The following HYDIN variants were observed in gnomAD, a reference collection of about 807,000 sequenced individuals.
HYDIN encodes the protein axonemal central pair apparatus protein HYDIN.
HYDIN carries 132 observed loss-of-function variants against 403.9 expected under a neutral mutation model. The ratio of observed to expected loss-of-function variants is 0.33; its 90% CI spans 0.28 to 0.38. HYDIN has a LOEUF of 0.38. Ranked by LOEUF, HYDIN falls within the 10% of genes least tolerant of loss-of-function variation. The pLI is 1.00. For synonymous variants in HYDIN, 1,202 were observed against 1,891.7 expected, an observed-to-expected ratio of 0.64 and a Z score of 9.46; for missense variants, 2,827 against 5,009.5, an observed-to-expected ratio of 0.56 and a Z score of 13.15.
At chr16:71,178,281 T>C (rs1313857998) in intron 4 of HYDIN, among the ~76,000 whole-genome samples, 1 of 151,698 alleles carries the variant, frequency 6.6e-6, no homozygotes, top group Non-Finnish European at 1.5e-5. Flanking sequence ...TAGTTGCGTG[T>C]GGTGGCGCAT....
intron 41 of HYDIN, among the ~76,000 whole-genome samples, chr16:70,945,305 T>C (rs927897873): frequency 1.3e-5 from 2 of 152,162 alleles, no homozygotes; most frequent in African/African-American, 4.8e-5. Flanking sequence ...CTTAGCAACC[T>C]GGAAAATGGT....
Position 70,862,151 on chromosome 16 carries a change from C to T in HYDIN, c.11674G>A (p.Val3892Met). Reference protein sequence around the residue: ...WAEGSPQPFSVEPSSGIVPVG... With the variant: ...WAEGSPQPFSMEPSSGIVPVG... ...GGCACGATTCCCGAAGAGGGCTCCA[C>T]AGAGAAGGGCTGTGGGGAACCCTCG... The change falls in exon 69 of 86, where the codon GTG becomes ATG. Residue 3892 changes from valine (V) to methionine (M), a missense_variant. By Grantham distance (21) the Val-to-Met change is conservative. Transcript: ENST00000393567. 1 of 1,612,416 alleles carries T rather than the reference C, an allele frequency of 6.2e-7. No homozygotes were observed. Among genetic ancestry groups the T allele is most frequent in the Non-Finnish European group, 8.5e-7 (1 of 1,179,410 alleles).
intron 23 of HYDIN, among the ~76,000 whole-genome samples, chr16:71,017,306 C>T (rs577501726): frequency 2.7e-5 from 4 of 148,476 alleles, no homozygotes; most frequent in South Asian, 2.1e-4. Flanking sequence ...GCCCAGATAG[C>T]GCCACTGCAC....
chr16:71,006,761 G>A (rs2079900488), intron 23 of HYDIN, among the ~76,000 whole-genome samples: 1 of 152,000 alleles, frequency 6.6e-6, no homozygotes, highest in African/African-American at 2.4e-5. Context: ...ACCCTGCTGG[G>A]ACTGATCATC....
intron 18 of HYDIN, among the ~76,000 whole-genome samples, chr16:71,046,892 C>A (rs950700991): frequency 6.6e-6 from 1 of 152,038 alleles, no homozygotes; most frequent in East Asian, 1.9e-4. Flanking sequence ...TTGATAATGA[C>A]CATGACAGCC....
chr16:71,074,646 C>T (rs1308434501), intron 13 of HYDIN, among the ~76,000 whole-genome samples: 1 of 128,830 alleles, frequency 7.8e-6, no homozygotes, highest in Admixed American at 8.3e-5. Flanking sequence ...GGTGCCACTG[C>T]ACTCCAGCCT....
At chr16:70,944,165 A>G (rs1164914853) in intron 41 of HYDIN, among the ~76,000 whole-genome samples, 7 of 152,210 alleles carry the variant, frequency 4.6e-5, no homozygotes, top group African/African-American at 1.7e-4. Context: ...TTGTTTGTGT[A>G]CTGAACTGCA....
At chr16:71,102,365 C>A (rs889810142) in intron 10 of HYDIN, among the ~76,000 whole-genome samples, 13 of 152,038 alleles carry the variant, frequency 8.6e-5, no homozygotes, top group Non-Finnish European at 1.6e-4. Context: ...TTTAAAAACA[C>A]AAAACTTGCT....
At chr16:71,043,955 A>G (rs1360650340) in intron 18 of HYDIN, among the ~76,000 whole-genome samples, 2 of 151,808 alleles carry the variant, frequency 1.3e-5, no homozygotes, top group Admixed American at 1.3e-4. Flanking sequence ...AGAGAGAGAG[A>G]GAGAGGGAGA....
chr16:71,080,000 T>C, intron 12 of HYDIN, 48 bp from the exon 13 acceptor site: 3 of 679,824 alleles, frequency 4.4e-6, no homozygotes, highest in Non-Finnish European at 5.3e-6. Context: ...ATCCAGTGAA[T>C]CAGAGTCACA....
chr16:70,897,577 G>A (rs1436919984), intron 53 of HYDIN, among the ~76,000 whole-genome samples: 1 of 145,064 alleles, frequency 6.9e-6, no homozygotes, highest in East Asian at 1.9e-4. Flanking sequence ...GGGATGCCAA[G>A]TGCCTGGAGC....
Position 70,962,916 on chromosome 16 carries a change from C to A in HYDIN, c.5789-778G>T, listed in dbSNP as rs561084401. Among the ~76,000 whole-genome samples the A allele has an allele frequency of 1.3e-4, 19 of 149,972 alleles. No individual in the cohort carries two copies. The South Asian group carries it at 4.1e-3, about 32-fold the overall frequency. ...GAGTAGACAAAGCTCATCAGAGAGG[C>A]ACTGGTGAGAAGCAGGGCGTGTGCC... On this transcript the variant is annotated intron_variant, in intron 37 of 85. Coordinates refer to ENST00000393567, the MANE Select transcript of HYDIN (RefSeq NM_001270974.2).
intron 55 of HYDIN, chr16:70,893,582 A>C (rs1402255110): frequency 6.6e-6 from 1 of 151,402 alleles, no homozygotes; most frequent in African/African-American, 2.4e-5. Flanking sequence ...CAGTGGCACG[A>C]TCACGGCTCA....
chr16:71,202,642 A>C (rs1051275030), intron 1 of HYDIN, among the ~76,000 whole-genome samples: 3 of 152,194 alleles, frequency 2.0e-5, no homozygotes, highest in African/African-American at 7.2e-5. Context: ...TTTCTAATCT[A>C]TAGAATTTTC....
chr16:70,859,250 G>A (rs776257878), intron 71 of HYDIN, among the ~76,000 whole-genome samples: 70 of 152,036 alleles, frequency 4.6e-4, no homozygotes, highest in Non-Finnish European at 7.9e-4. Context: ...GTAGTGAGCC[G>A]AGATCGCGCC....
intron 1 of HYDIN, among the ~76,000 whole-genome samples, chr16:71,206,945 G>A (rs970349275): frequency 6.6e-5 from 10 of 152,160 alleles, no homozygotes; most frequent in Non-Finnish European, 1.2e-4. Flanking sequence ...CCAAATCTAT[G>A]ACTCACTGGT....
intron 75 of HYDIN, among the ~76,000 whole-genome samples, chr16:70,847,049 G>A (rs1328598853): frequency 2.1e-4 from 32 of 149,448 alleles, no homozygotes; most frequent in African/African-American, 7.4e-4. Flanking sequence ...TACATTTAAA[G>A]TTAATATTGT....
intron 8 of HYDIN, chr16:71,133,151 T>A (rs2084779425): frequency 2.3e-6 from 1 of 426,704 alleles, no homozygotes; most frequent in African/African-American, 2.1e-5. Flanking sequence ...AGGCCTGTAA[T>A]CTGCTCCCTT....
chr16:70,879,575 G>A lies in HYDIN; in HGVS notation c.10367+30C>T, dbSNP rs763385501. The A allele has an allele frequency of 1.9e-6, 3 of 1,612,046 alleles. No individual in the cohort carries two copies. In the South Asian group the frequency reaches 3.3e-5, roughly 18 times the overall value. ...AGTGTGGCCTGCAGTCCTGCTGCAG[G>A]AGAGGGAGCTGGGAGCTGGGAGTTG... On this transcript the variant is annotated intron_variant, in intron 61 of 85. Transcript: ENST00000393567.
Sources: gnomAD v4.1 joint callset for allele counts (sites outside exome capture counted in the v4.1 genomes callset) on GRCh38, gnomAD v4.1.1 for gene constraint, MANE v1.5 for transcripts, NCBI Gene and HGNC (gene_info 2026-07-23, HGNC 2026-07-21) for gene names.